The following KIFC3 variants were observed in gnomAD, a reference collection of about 807,000 sequenced individuals.
KIFC3 encodes kinesin-like protein KIFC3.
KIFC3 carries 60 observed loss-of-function variants against 101.8 expected under a neutral mutation model. That is an observed-to-expected ratio of 0.59 (90% CI 0.48 to 0.73). The LOEUF is 0.73. Among genes scored for constraint, KIFC3 ranks in the 30% least tolerant of loss-of-function variants. The pLI is 0.00. For missense variants in KIFC3, 966 were observed against 1,137.1 expected (o/e 0.85, Z 2.16); for synonymous variants, 476 against 482.7 (o/e 0.99, Z 0.18).
intron 3 of KIFC3, chr16:57,774,262 T>C (rs2149004589): frequency 6.6e-6 from 1 of 152,368 alleles, no homozygotes; most frequent in Non-Finnish European, 1.5e-5. Context: ...GCCTTTCTGC[T>C]TTCGTCCTAA....
chr16:57,771,092 A>G, intron 6 of KIFC3, 106 bp downstream of exon 6: 3 of 1,389,782 alleles, frequency 2.2e-6, no homozygotes, highest in South Asian at 2.6e-5. Flanking sequence ...TCTTCCACCC[A>G]CACACACCTA....
At chr16:57,803,492 C>T (rs1194685557), upstream of KIFC3, 10 of 428,272 alleles carry the variant, frequency 2.3e-5, no homozygotes, top group East Asian at 7.0e-4. Context: ...TCCCTTCCTG[C>T]TTGTCAGGGG....
At chr16:57,766,407 G>A (rs1042111849) in intron 10 of KIFC3, among the ~76,000 whole-genome samples, 4 of 152,236 alleles carry the variant, frequency 2.6e-5, no homozygotes, top group African/African-American at 9.6e-5. Flanking sequence ...CATCATTGTT[G>A]ATTCTCACAC....
chr16:57,839,912 C>T (rs1183520662), intron 1 of KIFC3, among the ~76,000 whole-genome samples: 4 of 152,144 alleles, frequency 2.6e-5, no homozygotes, highest in African/African-American at 9.7e-5. Context: ...CCATCCATTT[C>T]CATTAACAAC....
chr16:57,759,890 C>T, intron 17 of KIFC3, 54 bp from the exon 18 acceptor site: 2 of 1,371,402 alleles, frequency 1.5e-6, no homozygotes, highest in Non-Finnish European at 2.0e-6. Flanking sequence ...TGGCTCCCCA[C>T]CCTGCTGTGC....
intron 9 of KIFC3, 31 bp from the exon 10 acceptor site, chr16:57,767,016 G>T (rs1555603674): frequency 2.5e-6 from 4 of 1,577,214 alleles, no homozygotes; most frequent in Non-Finnish European, 3.5e-6. Flanking sequence ...CTGTCAGGGG[G>T]ACGGCTCCAT....
intron 1 of KIFC3, among the ~76,000 whole-genome samples, chr16:57,828,649 A>C (rs2055509264): frequency 6.6e-6 from 1 of 152,220 alleles, no homozygotes; most frequent in Non-Finnish European, 1.5e-5. Context: ...AAAGGCCCTG[A>C]GGACCCTTCA....
At chr16:57,811,934 A>AAG (rs1568076247) in intron 1 of KIFC3, among the ~76,000 whole-genome samples, 1 of 149,870 alleles carries the variant, frequency 6.7e-6, no homozygotes, top group African/African-American at 2.4e-5. Context: ...AAAAAAAAAA[A>AAG]AAGAAGATTG....
intron 11 of KIFC3, 71 bp downstream of exon 11, chr16:57,765,388 C>T (rs1430657900): frequency 2.1e-6 from 3 of 1,461,936 alleles, no homozygotes; most frequent in Middle Eastern, 2.1e-4. Flanking sequence ...CTGCCCAGCG[C>T]CCCCGCTCCC....
At chr16:57,766,768 T>C (rs547317966) in intron 10 of KIFC3, 106 bp downstream of exon 10, 116 of 685,238 alleles carry the variant, frequency 1.7e-4, no homozygotes, top group Non-Finnish European at 2.5e-4. Context: ...TCTACAGAGA[T>C]AGGATTAGAA....
In KIFC3 at chr16:57,758,553, CT is replaced by C; in HGVS notation, c.*380del. ...CCTCGCCCACCCCCTAAGGAGGGGG[CT>C]GGCCAGCTCTGCAAGCTGAGGAGAG... On this transcript the variant is annotated 3_prime_UTR_variant, in exon 20 of 20. Transcript: ENST00000445690. 1.6e-6 allele frequency: 1 copy of C among 625,084 alleles called. No homozygotes were observed. The highest frequency in any genetic ancestry group is 3.0e-6 in the Non-Finnish European group (1 of 336,360). 38.7% of individuals were successfully genotyped at this position (625,084 alleles called of 1,614,324 possible).
In KIFC3 at chr16:57,758,902, C is replaced by T. The variant is rs782337996; in HGVS notation, c.*32G>A. On this transcript the variant is annotated 3_prime_UTR_variant, in exon 20 of 20. Coordinates refer to ENST00000445690, the MANE Select transcript of KIFC3 (RefSeq NM_001130100.2). ...ACATCCGTCACACAGGCAGTGGCCG[C>T]GACTTCCCTGCAGGGGCATGAGATC... is the stretch of plus-strand genomic sequence containing the variant. The T allele has an allele frequency of 8.2e-6, 13 of 1,580,324 alleles. No individual in the cohort carries two copies. The East Asian group carries it at 9.0e-5, about 11-fold the overall frequency.
intron 3 of KIFC3, among the ~76,000 whole-genome samples, chr16:57,787,405 T>G (rs1270438316): frequency 6.6e-6 from 1 of 152,276 alleles, no homozygotes; most frequent in African/African-American, 2.4e-5. Context: ...TCCAGAACAC[T>G]GCTCACGCCA....
chr16:57,759,359 C>T (rs996832351), intron 18 of KIFC3: 2 of 633,048 alleles, frequency 3.2e-6, no homozygotes, highest in Non-Finnish European at 5.5e-6. Flanking sequence ...CCCTTTCTAC[C>T]CCCGGGGCAG....
rs181882118 is a variant in KIFC3, at chr16:57,796,145, G to A, written c.173-1004C>T. 1.4e-3 allele frequency among the ~76,000 whole-genome samples: 212 copies of A among 152,120 alleles called. 1 individual carries two copies. Among genetic ancestry groups the A allele is most frequent in the African/African-American group, 5.0e-3 (208 of 41,508 alleles). ...TAACCTCAAGTGATCTGCCCGCCTT[G>A]GCCTCCCAAAGTGCTAGGATTACAG... On this transcript the variant is annotated intron_variant, in intron 2 of 19. Transcript: ENST00000445690.
rs905991544 is a variant in KIFC3 at position 57,759,892 on chromosome 16, C to T, written c.2368-56G>A. On this transcript the variant is annotated intron_variant, in intron 17 of 19. Coordinates refer to ENST00000445690, the MANE Select transcript of KIFC3 (RefSeq NM_001130100.2). ...GCCACGGCTGCCCTGGCTCCCCACC[C>T]TGCTGTGCTTCTCTCTACTCCCCTG... 5 of 1,361,842 alleles carry T rather than the reference C, an allele frequency of 3.7e-6. No individual in the cohort carries two copies. The African/African-American group carries it at 5.8e-5, about 16-fold the overall frequency. 84.4% of individuals were successfully genotyped at this position (1,361,842 alleles called of 1,614,324 possible).
chr16:57,795,757 C>T (rs1368667037), intron 2 of KIFC3, among the ~76,000 whole-genome samples: 1 of 152,118 alleles, frequency 6.6e-6, no homozygotes, highest in Admixed American at 6.5e-5. Context: ...GGGATGGGGG[C>T]CAGCCTCACG....
chr16:57,854,919 G>T (rs1420483474), intron 1 of KIFC3, among the ~76,000 whole-genome samples: 13 of 152,094 alleles, frequency 8.5e-5, no homozygotes, highest in Non-Finnish European at 1.9e-4. Flanking sequence ...AATAATCCAT[G>T]AATCAAAGTG....
chr16:57,799,482 T>C (rs116291611), intron 1 of KIFC3, among the ~76,000 whole-genome samples: 258 of 152,236 alleles, frequency 1.7e-3, no homozygotes, highest in African/African-American at 5.7e-3. Context: ...CCTGACCCAC[T>C]ATGGGCCCAC....
Sources: gnomAD v4.1 joint callset for allele counts (sites outside exome capture counted in the v4.1 genomes callset) on GRCh38, gnomAD v4.1.1 for gene constraint, MANE v1.5 for transcripts, NCBI Gene and HGNC (gene_info 2026-07-23, HGNC 2026-07-21) for gene names.